Variants in NRXN1 observed in about 807,000 individuals in gnomAD.
NRXN1 encodes neurexin 1, also known as neurexin-1.
In NRXN1, 39 loss-of-function variants were observed where a neutral mutation model predicts 150.9. The observed-to-expected ratio is 0.26, with a 90% confidence interval of 0.20 to 0.34. The LOEUF (loss-of-function observed/expected upper bound fraction) is 0.34, where lower values mean the gene tolerates loss of function less well. Among genes scored for constraint, NRXN1 ranks in the 10% least tolerant of loss-of-function variants. The pLI is 1.00. For missense variants in NRXN1, 1,815 were observed against 1,949.9 expected, an observed-to-expected ratio of 0.93 and a Z score of 1.30; for synonymous variants, 924 against 757.0, an observed-to-expected ratio of 1.22 and a Z score of -3.62.
At chr2:50,687,826 C>A (rs1691475785) in intron 5 of NRXN1, among the ~76,000 whole-genome samples, 1 of 152,100 alleles carries the variant, frequency 6.6e-6, no homozygotes, top group Non-Finnish European at 1.5e-5. Context: ...CAAACACGGG[C>A]AAGAGAAGCT....
intron 22 of NRXN1, among the ~76,000 whole-genome samples, chr2:49,942,687 G>A (rs1672209655): frequency 6.6e-6 from 1 of 151,944 alleles, no homozygotes; most frequent in African/African-American, 2.4e-5. Flanking sequence ...TTGGCTGACT[G>A]CAACCTCTGC....
intron 2 of NRXN1, among the ~76,000 whole-genome samples, chr2:50,998,496 G>A (rs1181223869): frequency 2.0e-5 from 3 of 151,870 alleles, no homozygotes; most frequent in African/African-American, 4.8e-5. Flanking sequence ...TTCAAAGAAC[G>A]GATCACACTC....
chr2:50,522,840 T>A (rs963644105), intron 12 of NRXN1, among the ~76,000 whole-genome samples: 2 of 144,070 alleles, frequency 1.4e-5, no homozygotes, highest in South Asian at 2.4e-4. Flanking sequence ...CAAGCAATTC[T>A]CCTGCCTCAG....
chr2:50,135,617 G>T (rs113785077), intron 18 of NRXN1, among the ~76,000 whole-genome samples: 4 of 152,210 alleles, frequency 2.6e-5, no homozygotes, highest in Non-Finnish European at 5.9e-5. Context: ...CGTGAACCTG[G>T]GAGTCAGAGC....
intron 6 of NRXN1, among the ~76,000 whole-genome samples, chr2:50,622,302 C>T (rs1001942422): frequency 6.6e-6 from 1 of 152,052 alleles, no homozygotes; most frequent in Non-Finnish European, 1.5e-5. Context: ...CCTTTCAGAA[C>T]AGGAAAGAAA....
intron 18 of NRXN1, among the ~76,000 whole-genome samples, chr2:50,179,063 A>C (rs188444154): frequency 6.6e-6 from 1 of 152,312 alleles, no homozygotes; most frequent in East Asian, 1.9e-4. Flanking sequence ...AAAGGAGCAA[A>C]ACACTTTGTC....
At chr2:50,581,155 C>G (rs1472951733) in intron 8 of NRXN1, among the ~76,000 whole-genome samples, 1 of 152,110 alleles carries the variant, frequency 6.6e-6, no homozygotes, top group Non-Finnish European at 1.5e-5. Flanking sequence ...TCCCTAAGGA[C>G]AGTGATTTTT....
chr2:50,381,757 C>T (rs2080988020), intron 17 of NRXN1, among the ~76,000 whole-genome samples: 1 of 152,100 alleles, frequency 6.6e-6, no homozygotes, highest in South Asian at 2.1e-4. Context: ...GTTTTAAATG[C>T]AAGGTGCTTA....
At position 49,922,028 on chromosome 2, in the gene NRXN1, C is replaced by A; in HGVS notation, c.4440G>T (p.Gly1480=). 1 of 1,614,012 alleles carries A rather than the reference C, an allele frequency of 6.2e-7. No homozygotes were observed. The highest frequency in any genetic ancestry group is 8.5e-7 in the Non-Finnish European group (1 of 1,180,008). The change falls in exon 23 of 23, where the codon GGG becomes GGT. Residue 1480 remains glycine (G), a synonymous_variant. Coordinates refer to ENST00000401669, the MANE Select transcript of NRXN1 (RefSeq NM_001330078.2). ...TGGGTTGTTTCTCCTTTACAACAGC[C>A]CCATTGGACTGTGCTGAGTTACTGA... ...NYISNSAQSN[G]AVVKEKQPSS...
rs1671093974 is a variant in NRXN1, at chr2:51,029,181, A to C, written c.-908T>G. On this transcript the variant is annotated 5_prime_UTR_variant, in exon 2 of 23. The change creates a premature stop within an existing upstream ORF in the 5' untranslated region. Coordinates refer to ENST00000401669, the MANE Select transcript of NRXN1 (RefSeq NM_001330078.2). ...ATTTTGGTTTTATCTTGTCTTTTTT[A>C]AGGACTCAGACATCTGCAGAGAATT... The C allele has an allele frequency of 6.6e-6, 1 of 152,232 alleles. No individual in the cohort carries two copies. The highest frequency in any genetic ancestry group is 6.5e-5 in the Admixed American group (1 of 15,286). The allele number at this position is 152,232 out of a possible 1,614,324, so 9.4% of individuals were successfully genotyped here.
intron 18 of NRXN1, among the ~76,000 whole-genome samples, chr2:50,128,811 C>T (rs1705004073): frequency 6.6e-6 from 1 of 151,706 alleles, no homozygotes; most frequent in Admixed American, 6.6e-5. Flanking sequence ...GGCGAAACCA[C>T]ATCTCTATTA....
chr2:50,123,623 A>C (rs973745269), intron 18 of NRXN1, among the ~76,000 whole-genome samples: 9 of 152,218 alleles, frequency 5.9e-5, no homozygotes, highest in African/African-American at 2.2e-4. Flanking sequence ...TCTAAAACAC[A>C]AGTTCAGAGA....
intron 17 of NRXN1, chr2:50,464,036 T>C (rs1480728415): frequency 6.6e-6 from 1 of 151,534 alleles, no homozygotes; most frequent in Non-Finnish European, 1.5e-5. Flanking sequence ...CATATACATA[T>C]CCTTATGAAA....
intron 5 of NRXN1, among the ~76,000 whole-genome samples, chr2:50,649,690 A>G (rs946202935): frequency 1.1e-4 from 16 of 152,014 alleles, no homozygotes; most frequent in African/African-American, 3.9e-4. Context: ...TGAGAAGATT[A>G]AGTGAAATCG....
chr2:50,130,895 C>T (rs1404880721), intron 18 of NRXN1, among the ~76,000 whole-genome samples: 2 of 152,110 alleles, frequency 1.3e-5, no homozygotes, highest in Non-Finnish European at 2.9e-5. Context: ...ACTTGGAAGG[C>T]CAATTCTTTT....
chr2:50,681,697 G>A (rs1559117200), intron 5 of NRXN1, among the ~76,000 whole-genome samples: 1 of 152,116 alleles, frequency 6.6e-6, no homozygotes, highest in Non-Finnish European at 1.5e-5. Flanking sequence ...GAGGAAGAAA[G>A]GAAATAGAAG....
At chr2:50,048,336 T>C (rs1285454466) in intron 21 of NRXN1, among the ~76,000 whole-genome samples, 1 of 152,148 alleles carries the variant, frequency 6.6e-6, no homozygotes, top group Non-Finnish European at 1.5e-5. Flanking sequence ...AAATTAATTA[T>C]TCATGTCACC....
intron 12 of NRXN1, 22 bp downstream of exon 12, chr2:50,528,603 A>T: frequency 7.2e-7 from 1 of 1,388,606 alleles, no homozygotes; most frequent in Non-Finnish European, 1.0e-6. Context: ...TAACATTTTA[A>T]AAATTTTGAA....
At chr2:49,958,455 T>A (rs966678126) in intron 21 of NRXN1, among the ~76,000 whole-genome samples, 1 of 152,148 alleles carries the variant, frequency 6.6e-6, no homozygotes, top group African/African-American at 2.4e-5. Context: ...ACATATTTCA[T>A]TGCAGTTGTT....
Sources: gnomAD v4.1 joint callset for allele counts (sites outside exome capture counted in the v4.1 genomes callset) on GRCh38, gnomAD v4.1.1 for gene constraint, MANE v1.5 for transcripts, NCBI Gene and HGNC (gene_info 2026-07-23, HGNC 2026-07-21) for gene names.